The following RTEL1 variants were observed in gnomAD, a reference collection of about 807,000 sequenced individuals.
RTEL1 encodes regulator of telomere length.
A neutral mutation model predicts 162.2 loss-of-function variants in RTEL1; 86 were observed. The observed-to-expected ratio is 0.53, with a 90% CI of 0.45 to 0.63. RTEL1 has a LOEUF of 0.63. Among genes scored for constraint, RTEL1 ranks in the 30% least tolerant of loss-of-function variants. The pLI is 0.00. For missense variants in RTEL1, 1,941 were observed against 1,750.2 expected, an observed-to-expected ratio of 1.11 and a Z score of -1.95; for synonymous variants, 958 against 717.9, an observed-to-expected ratio of 1.33 and a Z score of -5.35.
intron 21 of RTEL1, 199 bp downstream of exon 21, chr20:63,688,804 A>G (rs2145424401): frequency 1.6e-6 from 1 of 635,460 alleles, no homozygotes; most frequent in Non-Finnish European, 2.7e-6. Context: ...TGGGTGTGGT[A>G]ACAGTGGCCC....
chr20:63,663,271 C>G (rs1189358562), intron 6 of RTEL1, among the ~76,000 whole-genome samples: 1 of 152,250 alleles, frequency 6.6e-6, no homozygotes, highest in Non-Finnish European at 1.5e-5. Flanking sequence ...GCTCCAGTGA[C>G]CGGCCCTCAT....
chr20:63,695,162 G>T lies in RTEL1; in HGVS notation c.3440G>T (p.Gly1147Val). Residue 1147 changes from glycine to valine, a missense_variant, in exon 33 of 35, where the codon GGA becomes GTA. Physicochemically the swap from Gly to Val is moderately radical, Grantham distance 109. Coordinates refer to ENST00000360203, the MANE Select transcript of RTEL1 (RefSeq NM_001283009.2). ...GRPYPGMEPPGPQEERLAVPP... is the reference protein window; with the variant it reads ...GRPYPGMEPPVPQEERLAVPP... ...CCCTACCCGGGCATGGAGCCACCGGGACCCCAGGAGGAGAGGCTTGCCGTG... is the reference window on the plus strand; with the variant it reads ...CCCTACCCGGGCATGGAGCCACCGGTACCCCAGGAGGAGAGGCTTGCCGTG... 1.2e-6 allele frequency: 2 copies of T among 1,612,422 alleles called. No homozygotes were observed. The highest frequency in any genetic ancestry group is 1.1e-5 in the South Asian group (1 of 91,076).
At chr20:63,688,797 G>A in intron 21 of RTEL1, 192 bp downstream of exon 21, 1 of 642,310 alleles carries the variant, frequency 1.6e-6, no homozygotes, top group Non-Finnish European at 2.7e-6. Flanking sequence ...CACCGGGTGG[G>A]TGTGGTAACA....
rs1168361620 is a variant in RTEL1 at position 63,678,275 on chromosome 20, G to T, written c.966G>T (p.Leu322=). Residue 322 remains leucine (L), a synonymous_variant, in exon 12 of 35, where the codon CTG becomes CTT. Transcript: ENST00000360203. ...LEDIAKLKMI[L]LRLEGAIDAV... ...CACCTCCTCGACCCACAGTGATCCT[G>T]CTGCGCCTGGAGGGGGCCATCGATG... 1 of 1,612,494 alleles carries T rather than the reference G, an allele frequency of 6.2e-7. No homozygotes were observed. Among genetic ancestry groups the T allele is most frequent in the Admixed American group, 1.7e-5 (1 of 59,916 alleles).
In RTEL1 at chr20:63,690,227, G is replaced by C. The variant is rs992015343; in HGVS notation, c.2265+17G>C. 1 of 1,611,366 alleles carries C rather than the reference G, an allele frequency of 6.2e-7. No homozygotes were observed. The highest frequency in any genetic ancestry group is 1.7e-5 in the Admixed American group (1 of 59,948). On this transcript the variant is annotated intron_variant, in intron 25 of 34. Transcript: ENST00000360203. ...GAGCGAACTGTGAGTTCCTGCCCAG[G>C]GAGGGGATGAGGGTGTTGTCCCCAG...
At chr20:63,692,036 T>G (rs1343404577) in intron 28 of RTEL1, 199 bp downstream of exon 28, 2 of 548,198 alleles carry the variant, frequency 3.6e-6, no homozygotes, top group South Asian at 2.0e-5. Context: ...GAGTCCCAGC[T>G]GGAATCAGGC....
At chr20:63,677,115 T>G (rs1601129502) in intron 10 of RTEL1, among the ~76,000 whole-genome samples, 1 of 151,708 alleles carries the variant, frequency 6.6e-6, no homozygotes, top group Non-Finnish European at 1.5e-5. Flanking sequence ...TGTCTGGGAG[T>G]CAGGATTTTT....
intron 27 of RTEL1, 127 bp from the exon 28 acceptor site, chr20:63,691,615 C>T (rs1335449101): frequency 7.9e-6 from 6 of 762,546 alleles, no homozygotes; most frequent in African/African-American, 5.2e-5. Context: ...GTGCTGTGCC[C>T]CCCTCCCCCG....
rs1568720142 is a variant in RTEL1, at chr20:63,693,477, ACCTCCACCACCACCT to A, written c.2992+197_2992+211del. On this transcript the variant is annotated intron_variant, in intron 30 of 34. Transcript: ENST00000360203. ...CACCTCCACCTCCACCTCCACCTCC[ACCTCCACCACCACCT>A]CCACCTCCACCACCACCTCCTCCAC... Among the ~76,000 whole-genome samples the A allele has an allele frequency of 3.3e-4, 15 of 45,098 alleles. 1 individual carries two copies. Among genetic ancestry groups the A allele is most frequent in the East Asian group, 3.1e-3 (4 of 1,280 alleles). 29.6% of individuals were successfully genotyped at this position (45,098 alleles called of 152,430 possible).
rs2090018614 is a variant in RTEL1, at chr20:63,661,444, T to C, written c.249T>C (p.Asp83=). Residue 83 remains aspartate, a synonymous_variant, in exon 3 of 35, where the codon GAT becomes GAC. Transcript: ENST00000360203. The surrounding 1 kb of genome is among the most constrained non-coding windows in gnomAD (Gnocchi z 5.1). ...AERAQGELFP[D]RALSSWGNAA... ...GGGCGCAAGGAGAGCTTTTCCCGGA[T>C]CGGGCCTTGTCATCCTGGGGCAACG... 2 of 1,613,502 alleles carry C rather than the reference T, an allele frequency of 1.2e-6. No homozygotes were observed. The highest frequency in any genetic ancestry group is 1.7e-6 in the Non-Finnish European group (2 of 1,180,004).
rs2090177456 is a variant in RTEL1, at chr20:63,668,198, C to A, written c.699+645C>A. ...GCCCTGCTGCCCTCCTCCCCATGTG[C>A]CCTGCTTTTGTGCCCCACACTTTTT... On this transcript the variant is annotated intron_variant, in intron 8 of 34. Transcript: ENST00000360203. This position sits in a 1 kb window ranked among gnomAD's most constrained non-coding sequence, Gnocchi z 4.3. Among the ~76,000 whole-genome samples, 1 of 152,202 alleles carries A rather than the reference C, an allele frequency of 6.6e-6. No individual in the cohort carries two copies. Among genetic ancestry groups the A allele is most frequent in the African/African-American group, 2.4e-5 (1 of 41,450 alleles).
chr20:63,693,445 G>GCAC (rs2090826127), intron 30 of RTEL1, among the ~76,000 whole-genome samples, 162 bp downstream of exon 30: 1 of 65,664 alleles, frequency 1.5e-5, no homozygotes, highest in Non-Finnish European at 3.4e-5. Flanking sequence ...ACCAGCACCA[G>GCAC]CAGCACCACC....
intron 16 of RTEL1, chr20:63,686,138 C>G: frequency 1.8e-6 from 1 of 554,032 alleles, no homozygotes. Context: ...CCAGCCAGGC[C>G]TCCCTGCTGG....
intron 22 of RTEL1, 82 bp downstream of exon 22, chr20:63,689,214 C>A (rs1278300626): frequency 4.4e-6 from 6 of 1,376,048 alleles, no homozygotes; most frequent in Non-Finnish European, 6.1e-6. Context: ...GACTCTGGGC[C>A]CTGGGGGCTG....
intron 14 of RTEL1, chr20:63,681,926 G>C (rs1341178998): frequency 6.1e-6 from 6 of 985,310 alleles, no homozygotes; most frequent in Non-Finnish European, 7.2e-6. Context: ...CTGCTGTGCT[G>C]TCCCGCATGG....
At chr20:63,685,947 C>T (rs1488929834) in intron 16 of RTEL1, 75 bp downstream of exon 16, 32 of 1,405,940 alleles carry the variant, frequency 2.3e-5, no homozygotes, top group South Asian at 1.1e-4. Context: ...AGGCTAGGCA[C>T]ATGCCCAGCC....
intron 6 of RTEL1, among the ~76,000 whole-genome samples, chr20:63,663,445 A>G (rs1473791488): frequency 6.6e-6 from 1 of 152,054 alleles, no homozygotes; most frequent in Admixed American, 6.6e-5. Context: ...CCTCTTCTGG[A>G]GACGGGATGT....
At chr20:63,678,438 G>A in intron 12 of RTEL1, 92 bp downstream of exon 12, 1 of 1,219,104 alleles carries the variant, frequency 8.2e-7, no homozygotes, top group South Asian at 1.4e-5. Context: ...CATCACGAGT[G>A]AGGCCTGTTT....
chr20:63,680,049 TCAG>T, intron 13 of RTEL1, 103 bp downstream of exon 13: 2 of 770,702 alleles, frequency 2.6e-6, no homozygotes, highest in Non-Finnish European at 2.1e-6. Context: ...CACCTGGCCG[TCAG>T]CAGGAACAGG....
Sources: allele counts gnomAD v4.1 joint callset (sites outside exome capture counted in the v4.1 genomes callset), GRCh38; gene constraint gnomAD v4.1.1; non-coding constraint Gnocchi (gnomAD v3.1); transcripts MANE v1.5; gene names NCBI Gene and HGNC (gene_info 2026-07-23, HGNC 2026-07-21).